BLTP1: variants seen among roughly 807,000 people sequenced by gnomAD.
The protein encoded by BLTP1 is bridge-like lipid transfer protein family member 1.
the BLTP1 span, chr4:122,346,461 G>A: frequency 4.1e-6 from 4 of 985,002 alleles, no homozygotes; most frequent in Non-Finnish European, 4.8e-6. Context: ...TACTAACAGT[G>A]TTAGAATGTG....
chr4:122,263,690 CA>C, the BLTP1 span: 1 of 771,596 alleles, frequency 1.3e-6, no homozygotes, highest in Non-Finnish European at 2.1e-6. Context: ...AAAAATCAAA[CA>C]AGTACTGTTT....
the BLTP1 span, among the ~76,000 whole-genome samples, chr4:122,324,878 G>A: frequency 6.6e-6 from 1 of 151,890 alleles, no homozygotes; most frequent in Non-Finnish European, 1.5e-5. Flanking sequence ...CATACTAGTA[G>A]CTACTGCTCT....
chr4:122,172,629 A>G, the BLTP1 span, among the ~76,000 whole-genome samples: 1 of 152,182 alleles, frequency 6.6e-6, no homozygotes, highest in Non-Finnish European at 1.5e-5. Flanking sequence ...TTTAAAAATC[A>G]TTACTTTTCT....
At chr4:122,311,990 G>A in the BLTP1 span, among the ~76,000 whole-genome samples, 62 of 152,030 alleles carry the variant, frequency 4.1e-4, no homozygotes, top group Admixed American at 3.1e-3. Context: ...TTAATTCATC[G>A]TGGCTCTATA....
At chr4:122,341,026 A>T in the BLTP1 span, 1 of 159,426 alleles carries the variant, frequency 6.3e-6, no homozygotes, top group Non-Finnish European at 1.3e-5. Context: ...AAATTATTAA[A>T]TATTCATCTC....
the BLTP1 span, chr4:122,232,217 T>C: frequency 1.5e-6 from 1 of 660,934 alleles, no homozygotes. Context: ...TCATGGATGC[T>C]GGAAAAATAC....
the BLTP1 span, among the ~76,000 whole-genome samples, chr4:122,252,877 AC>A: frequency 2.6e-5 from 4 of 152,234 alleles, no homozygotes; most frequent in African/African-American, 9.6e-5. Flanking sequence ...TTCAGGTCTA[AC>A]CCCACACAGT....
chr4:122,340,782 T>C, the BLTP1 span: 1 of 978,404 alleles, frequency 1.0e-6, no homozygotes, highest in Non-Finnish European at 1.2e-6. Flanking sequence ...GTGTTGGTTT[T>C]TGAAAAACAT....
the BLTP1 span, among the ~76,000 whole-genome samples, chr4:122,163,662 C>T: frequency 6.6e-6 from 1 of 152,198 alleles, no homozygotes; most frequent in Non-Finnish European, 1.5e-5. Flanking sequence ...CACTATAACT[C>T]TATGAGATAG....
At chr4:122,300,273 G>C in the BLTP1 span, among the ~76,000 whole-genome samples, 1 of 152,116 alleles carries the variant, frequency 6.6e-6, no homozygotes, top group African/African-American at 2.4e-5. Context: ...GCCTCCCAAA[G>C]TGCTGGGATT....
chr4:122,180,915 T>A, the BLTP1 span, among the ~76,000 whole-genome samples: 1 of 152,208 alleles, frequency 6.6e-6, no homozygotes, highest in Non-Finnish European at 1.5e-5. Context: ...GGCTAAAACC[T>A]CTAAGTAATA....
chr4:122,228,193 G>A, the BLTP1 span, among the ~76,000 whole-genome samples: 12 of 152,234 alleles, frequency 7.9e-5, no homozygotes, highest in East Asian at 2.3e-3. Flanking sequence ...GATTACAGGC[G>A]TGAGCCACTG....
chr4:122,219,090 A>G, the BLTP1 span: 9 of 961,600 alleles, frequency 9.4e-6, no homozygotes, highest in Non-Finnish European at 9.9e-6. Flanking sequence ...TAATTGGGGC[A>G]ATGCCATGAA....
chr4:122,280,501 A>G, the BLTP1 span, among the ~76,000 whole-genome samples: 1 of 152,062 alleles, frequency 6.6e-6, no homozygotes, highest in African/African-American at 2.4e-5. Flanking sequence ...CTGGTCTCCA[A>G]AAACTGTAAC....
chr4:122,217,132 G>A, the BLTP1 span, among the ~76,000 whole-genome samples: 301 of 152,128 alleles, frequency 2.0e-3, 1 homozygote, highest in African/African-American at 7.0e-3. Context: ...TGTATGCTTT[G>A]TCGATGATCA....
the BLTP1 span, among the ~76,000 whole-genome samples, chr4:122,278,718 G>A: frequency 4.6e-5 from 7 of 152,126 alleles, no homozygotes; most frequent in African/African-American, 1.7e-4. Context: ...TGCAATCTCC[G>A]TCTCCTGGGT....
At chr4:122,341,980 T>C in the BLTP1 span, 3 of 289,330 alleles carry the variant, frequency 1.0e-5, no homozygotes, top group Non-Finnish European at 1.5e-5. Flanking sequence ...AAAAAGCCAT[T>C]GTTAAGTGTG....
the BLTP1 span, among the ~76,000 whole-genome samples, chr4:122,159,605 G>C: frequency 1.3e-5 from 2 of 152,114 alleles, no homozygotes; most frequent in Non-Finnish European, 2.9e-5. Flanking sequence ...AATAAAAGTA[G>C]CTTAGCTACT....
At chr4:122,266,917 T>C in the BLTP1 span, 1 of 1,605,984 alleles carries the variant, frequency 6.2e-7, no homozygotes, top group Non-Finnish European at 8.5e-7. Flanking sequence ...ATATTGTGGA[T>C]TCAGACACAG....
Sources: gnomAD v4.1 joint callset for allele counts (sites outside exome capture counted in the v4.1 genomes callset) on GRCh38, gnomAD v4.1.1 for gene constraint, MANE v1.5 for transcripts, NCBI Gene and HGNC (gene_info 2026-07-23, HGNC 2026-07-21) for gene names.